SPECC1L: variants seen among roughly 807,000 people sequenced by gnomAD.
SPECC1L encodes sperm antigen with calponin homology and coiled-coil domains 1 like.
A neutral mutation model predicts 116.8 loss-of-function variants in SPECC1L; 40 were observed. The ratio of observed to expected loss-of-function variants is 0.34; its 90% CI spans 0.27 to 0.45. The LOEUF is 0.45. Ranked by LOEUF, SPECC1L falls within the 20% of genes least tolerant of loss-of-function variation. The pLI, the probability that SPECC1L is intolerant of heterozygous loss-of-function variation, is 1.00. For missense variants in SPECC1L, 1,110 were observed against 1,373.6 expected, an observed-to-expected ratio of 0.81 and a Z score of 3.03; for synonymous variants, 504 against 500.6, an observed-to-expected ratio of 1.01 and a Z score of -0.09.
chr22:24,347,895 C>CA (rs2041334748), intron 11 of SPECC1L, among the ~76,000 whole-genome samples: 1 of 152,284 alleles, frequency 6.6e-6, no homozygotes, highest in East Asian at 1.9e-4. Context: ...ATACTGGTCT[C>CA]AAACTCCTGA....
At position 24,338,494 on chromosome 22, in the gene SPECC1L, A is replaced by T; in HGVS notation, c.2652+17A>T. 2 of 1,611,404 alleles carry T rather than the reference A, an allele frequency of 1.2e-6. No homozygotes were observed. Among genetic ancestry groups the T allele is most frequent in the Non-Finnish European group, 1.7e-6 (2 of 1,177,564 alleles). On this transcript the variant is annotated intron_variant, in intron 10 of 16. Coordinates refer to ENST00000314328, the MANE Select transcript of SPECC1L (RefSeq NM_015330.6). Reference sequence around the variant, plus strand: ...CCTATGCAGGTGAGTGCCTGGAACCACAGGAGGCTCTTAGAGCCTCAGAAT... The same window carrying T: ...CCTATGCAGGTGAGTGCCTGGAACCTCAGGAGGCTCTTAGAGCCTCAGAAT...
intron 7 of SPECC1L, 93 bp downstream of exon 7, chr22:24,329,012 T>C (rs2040883576): frequency 1.0e-6 from 1 of 959,270 alleles, no homozygotes; most frequent in African/African-American, 1.6e-5. Flanking sequence ...ATCTTAAGTT[T>C]TGGATACAGT....
At chr22:24,402,490 C>T (rs1446930874) in intron 14 of SPECC1L, among the ~76,000 whole-genome samples, 2 of 152,204 alleles carry the variant, frequency 1.3e-5, no homozygotes, top group African/African-American at 2.4e-5. Context: ...AGGGGGGCAT[C>T]GTGAGCCAGG....
intron 14 of SPECC1L, among the ~76,000 whole-genome samples, chr22:24,378,575 T>G (rs552904798): frequency 8.5e-5 from 13 of 152,368 alleles, no homozygotes; most frequent in African/African-American, 2.9e-4. Context: ...TGATTTAAAG[T>G]GAAAGATGTG....
intron 4 of SPECC1L, among the ~76,000 whole-genome samples, chr22:24,316,491 T>C (rs1297704959): frequency 6.6e-6 from 1 of 151,340 alleles, no homozygotes; most frequent in African/African-American, 2.4e-5. Context: ...TGAACGAGCA[T>C]GCTGCCTTCA....
At chr22:24,308,241 G>T (rs2146425601) in intron 3 of SPECC1L, among the ~76,000 whole-genome samples, 1 of 152,034 alleles carries the variant, frequency 6.6e-6, no homozygotes, top group African/African-American at 2.4e-5. Context: ...TGCCAGTTGT[G>T]CTAATTTCAG....
At chr22:24,273,565 AG>A (rs1165470047) in intron 1 of SPECC1L, among the ~76,000 whole-genome samples, 3 of 152,200 alleles carry the variant, frequency 2.0e-5, no homozygotes, top group Non-Finnish European at 4.4e-5. Flanking sequence ...TGCTGCTGTT[AG>A]GGAGTTCAGG....
intron 2 of SPECC1L, among the ~76,000 whole-genome samples, chr22:24,291,751 G>A (rs1387914126): frequency 6.6e-6 from 1 of 152,058 alleles, no homozygotes; most frequent in African/African-American, 2.4e-5. Flanking sequence ...AAGGTACATA[G>A]TATTACCAGC....
intron 8 of SPECC1L, among the ~76,000 whole-genome samples, chr22:24,331,706 T>C (rs979439429): frequency 6.3e-4 from 96 of 152,314 alleles, no homozygotes; most frequent in African/African-American, 2.2e-3. Flanking sequence ...TCACATTGTT[T>C]GCCCTTTTCA....
chr22:24,339,706 GT>G (rs1419591769), intron 10 of SPECC1L, among the ~76,000 whole-genome samples: 16 of 152,340 alleles, frequency 1.1e-4, no homozygotes, highest in African/African-American at 3.8e-4. Context: ...TTTGTGCTGT[GT>G]TTACTAGTGT....
rs115229065 is a variant in SPECC1L, at chr22:24,400,622, T to G, written c.3088-10966T>G. Among the ~76,000 whole-genome samples the G allele has an allele frequency of 4.0e-3, 615 of 152,320 alleles. 7 individuals carry two copies. The highest frequency in any genetic ancestry group is 0.014 in the African/African-American group (575 of 41,558). On this transcript the variant is annotated intron_variant, in intron 14 of 16. Transcript: ENST00000314328. ...GCTGGGCCGTATATTAACTCTGTGT[T>G]TAACTTACTGAGGAACTGCCAAACT...
chr22:24,395,120 G>T (rs186722783), intron 14 of SPECC1L, among the ~76,000 whole-genome samples: 34 of 152,244 alleles, frequency 2.2e-4, no homozygotes, highest in Admixed American at 2.2e-3. Context: ...GAGCCACAGC[G>T]CCTGGCCAGA....
chr22:24,412,826 G>T, intron 16 of SPECC1L, 119 bp downstream of exon 16: 1 of 1,062,428 alleles, frequency 9.4e-7, no homozygotes. Context: ...GTAAAAGGCA[G>T]CTATGGGGTG....
At position 24,363,207 on chromosome 22, in the gene SPECC1L, ACT is replaced by A. The variant is rs1601608994; in HGVS notation, c.2744-53_2744-52del. 3.8e-5 allele frequency: 53 copies of A among 1,394,182 alleles called. No individual in the cohort carries two copies. In the East Asian group the frequency reaches 1.2e-3, roughly 32 times the overall value. 86.4% of individuals were successfully genotyped at this position (1,394,182 alleles called of 1,614,324 possible). On this transcript the variant is annotated intron_variant, in intron 11 of 16. Coordinates refer to ENST00000314328, the MANE Select transcript of SPECC1L (RefSeq NM_015330.6). ...AACTCACCTTCTTTGTACCTTTATT[ACT>A]TTAAAGTTCAGCATCAGATTTCTTT...
At chr22:24,311,077 T>G (rs1246506433) in intron 3 of SPECC1L, among the ~76,000 whole-genome samples, 2 of 152,208 alleles carry the variant, frequency 1.3e-5, no homozygotes, top group Non-Finnish European at 2.9e-5. Context: ...AATATGCAGT[T>G]TCTTTATGGA....
chr22:24,369,361 A>G (rs201024128), intron 14 of SPECC1L, 41 bp downstream of exon 14: 2 of 1,435,652 alleles, frequency 1.4e-6, no homozygotes, highest in Non-Finnish European at 2.0e-6. Flanking sequence ...GTAATTGGCA[A>G]ACCAACTGCT....
chr22:24,352,320 C>T (rs1021501074), intron 11 of SPECC1L, among the ~76,000 whole-genome samples: 3 of 152,188 alleles, frequency 2.0e-5, no homozygotes, highest in Non-Finnish European at 4.4e-5. Flanking sequence ...TAAGCATAAA[C>T]CTCAGCTGGC....
intron 2 of SPECC1L, among the ~76,000 whole-genome samples, chr22:24,291,977 G>A (rs984041974): frequency 1.3e-5 from 2 of 152,168 alleles, no homozygotes; most frequent in Non-Finnish European, 2.9e-5. Flanking sequence ...CATTTGAGGG[G>A]AAAAGATTCT....
At chr22:24,311,167 G>A (rs560395871) in intron 3 of SPECC1L, among the ~76,000 whole-genome samples, 22 of 152,304 alleles carry the variant, frequency 1.4e-4, no homozygotes, top group South Asian at 1.0e-3. Flanking sequence ...ATTTGGTGCC[G>A]TTATGTGTAT....
Sources: allele counts gnomAD v4.1 joint callset (sites outside exome capture counted in the v4.1 genomes callset), GRCh38; gene constraint gnomAD v4.1.1; transcripts MANE v1.5; gene names NCBI Gene and HGNC (gene_info 2026-07-23, HGNC 2026-07-21).